HS6ST2: variants seen among roughly 807,000 people sequenced by gnomAD.
HS6ST2 encodes heparan-sulfate 6-O-sulfotransferase 2.
HS6ST2 carries 17 observed loss-of-function variants against 33.0 expected under a neutral mutation model. The observed-to-expected ratio is 0.52, with a 90% confidence interval of 0.35 to 0.77. The LOEUF (loss-of-function observed/expected upper bound fraction) is 0.77. Among genes scored for constraint, HS6ST2 ranks in the 30% least tolerant of loss-of-function variants. The pLI is 0.01. For missense variants in HS6ST2, 519 were observed against 551.7 expected, an observed-to-expected ratio of 0.94 and a Z score of 0.59; for synonymous variants, 248 against 237.1, an observed-to-expected ratio of 1.05 and a Z score of -0.42.
chrX:132,692,920 C>A (rs1388974927), intron 3 of HS6ST2, among the ~76,000 whole-genome samples: 1 of 111,804 alleles, frequency 8.9e-6, no homozygotes, highest in Non-Finnish European at 1.9e-5. Flanking sequence ...TACACCCAGG[C>A]TGTGTGGTTC....
chrX:132,659,939 C>T (rs1483229938), intron 4 of HS6ST2, among the ~76,000 whole-genome samples: 1 of 111,973 alleles, frequency 8.9e-6, no homozygotes, highest in Admixed American at 9.5e-5. Flanking sequence ...GAACTATTCC[C>T]ATTTCTTTAC....
chrX:132,854,793 G>T (rs1156313745), intron 2 of HS6ST2, among the ~76,000 whole-genome samples: 6 of 111,764 alleles, frequency 5.4e-5, no homozygotes, highest in Admixed American at 2.8e-4. Context: ...CCTTTACTCT[G>T]GACTCAACTA....
chrX:132,857,588 G>A (rs1393614390), intron 2 of HS6ST2, among the ~76,000 whole-genome samples: 1 of 111,627 alleles, frequency 9.0e-6, no homozygotes, highest in African/African-American at 3.3e-5. Flanking sequence ...GCAATTAAAA[G>A]TACGGAGGTT....
At chrX:132,905,735 G>A (rs2066467027) in intron 2 of HS6ST2, among the ~76,000 whole-genome samples, 1 of 111,539 alleles carries the variant, frequency 9.0e-6, no homozygotes, top group African/African-American at 3.3e-5. Context: ...GCAACACAGG[G>A]AGACCCCATC....
chrX:132,775,000 T>C (rs2064943193), intron 2 of HS6ST2, among the ~76,000 whole-genome samples: 2 of 111,168 alleles, frequency 1.8e-5, no homozygotes, highest in Non-Finnish European at 3.8e-5. Context: ...GTTTTCTTCA[T>C]GATCCATCTC....
chrX:132,831,642 G>T (rs2065591347), intron 2 of HS6ST2, among the ~76,000 whole-genome samples: 2 of 111,790 alleles, frequency 1.8e-5, no homozygotes, highest in Non-Finnish European at 3.8e-5. Flanking sequence ...TAATAAGGCT[G>T]GAAGGAACAC....
intron 2 of HS6ST2, among the ~76,000 whole-genome samples, chrX:132,843,849 G>A (rs1286209255): frequency 2.7e-5 from 3 of 111,664 alleles, no homozygotes; most frequent in East Asian, 2.8e-4. Flanking sequence ...TCTTTTCCCT[G>A]GGGAAGTCGC....
At chrX:132,648,265 A>C (rs929648967) in intron 4 of HS6ST2, among the ~76,000 whole-genome samples, 2 of 111,220 alleles carry the variant, frequency 1.8e-5, no homozygotes, top group Admixed American at 1.9e-4. Flanking sequence ...CCAAAGTCAA[A>C]AGCAGTGGTA....
chrX:132,676,080 C>T (rs1373901973), intron 3 of HS6ST2, among the ~76,000 whole-genome samples: 3 of 112,051 alleles, frequency 2.7e-5, no homozygotes, highest in African/African-American at 9.7e-5. Context: ...TGTTGTTAGC[C>T]CTGCCTCTGC....
intron 4 of HS6ST2, among the ~76,000 whole-genome samples, chrX:132,656,103 A>AT (rs111792593): frequency 4.6e-5 from 5 of 109,536 alleles, no homozygotes; most frequent in Admixed American, 9.8e-5. Flanking sequence ...AACCTGTAGC[A>AT]TTTTTTTTTC....
intron 2 of HS6ST2, among the ~76,000 whole-genome samples, chrX:132,932,566 G>T (rs1402138483): frequency 1.8e-5 from 2 of 110,710 alleles, no homozygotes; most frequent in Non-Finnish European, 3.8e-5. Context: ...GTTTCAAAAG[G>T]TCCAGTTTCC....
At chrX:132,722,055 G>C (rs923671086) in intron 2 of HS6ST2, among the ~76,000 whole-genome samples, 1 of 108,878 alleles carries the variant, frequency 9.2e-6, no homozygotes, top group Non-Finnish European at 1.9e-5. Flanking sequence ...GGGCGTGTTG[G>C]CGGGCGCCTG....
In HS6ST2 at chrX:132,886,033, G is replaced by A. The variant is rs138938325; in HGVS notation, c.947+70775C>T. Among the ~76,000 whole-genome samples the A allele has an allele frequency of 2.8e-3, 313 of 111,390 alleles. 2 individuals carry two copies. Among genetic ancestry groups the A allele is most frequent in the African/African-American group, 9.7e-3 (298 of 30,728 alleles). On this transcript the variant is annotated intron_variant, in intron 2 of 4. Coordinates refer to ENST00000370833, the MANE Select transcript of HS6ST2 (RefSeq NM_001394073.1). Reference sequence around the variant, plus strand: ...AATGTGAGTTTTGAACAAAAAATTAGAGAGAAACAGAAAAGTGAGATGTGC... The same window carrying A: ...AATGTGAGTTTTGAACAAAAAATTAAAGAGAAACAGAAAAGTGAGATGTGC...
At chrX:132,800,883 A>C (rs1045771555) in intron 2 of HS6ST2, among the ~76,000 whole-genome samples, 9 of 111,208 alleles carry the variant, frequency 8.1e-5, no homozygotes, top group African/African-American at 2.6e-4. Context: ...ATGACATCTG[A>C]TGGTTTTATA....
chrX:132,652,940 G>T (rs961356774), intron 4 of HS6ST2, among the ~76,000 whole-genome samples: 1 of 111,180 alleles, frequency 9.0e-6, no homozygotes, highest in Non-Finnish European at 1.9e-5. Flanking sequence ...TTCAGACTTA[G>T]ATTTTTTTTT....
intron 2 of HS6ST2, among the ~76,000 whole-genome samples, chrX:132,901,314 G>A (rs139634760): frequency 0.011 from 1,270 of 111,614 alleles, 8 homozygotes; most frequent in South Asian, 0.053. Flanking sequence ...AAGACAGGTT[G>A]TCATGCAGCA....
chrX:132,640,849 T>C (rs767338164), intron 4 of HS6ST2, among the ~76,000 whole-genome samples: 59 of 112,513 alleles, frequency 5.2e-4, no homozygotes, highest in African/African-American at 1.7e-3. Context: ...AATTTAAAAT[T>C]ACATAGGTGA....
At chrX:132,650,339 A>G (rs2063680215) in intron 4 of HS6ST2, among the ~76,000 whole-genome samples, 1 of 111,009 alleles carries the variant, frequency 9.0e-6, no homozygotes, top group Non-Finnish European at 1.9e-5. Context: ...TGGGGTGGCA[A>G]TGTGCGGCTC....
Position 132,958,218 on chromosome X carries a change from C to G in HS6ST2, c.385G>C (p.Val129Leu). ...ATCTTGGAGAAGATCGCACCGAGCA[C>G]GTGCTTCAGCGAGTGGCCCAGGGCG... ...LAALGHSLKH[V>L]LGAIFSKIFG... Residue 129 changes from valine (V) to leucine (L), a missense_variant, in exon 1 of 5, where the codon GTG becomes CTG. Physicochemically the swap from Val to Leu is conservative, Grantham distance 32. Coordinates refer to ENST00000370833, the MANE Select transcript of HS6ST2 (RefSeq NM_001394073.1). The G allele has an allele frequency of 8.5e-7, 1 of 1,169,854 alleles. No individual in the cohort carries two copies. The highest frequency in any genetic ancestry group is 1.1e-6 in the Non-Finnish European group (1 of 880,761).
Sources: allele counts gnomAD v4.1 joint callset (sites outside exome capture counted in the v4.1 genomes callset), GRCh38; gene constraint gnomAD v4.1.1; transcripts MANE v1.5; gene names NCBI Gene and HGNC (gene_info 2026-07-23, HGNC 2026-07-21).